Variants in RAB6B observed in about 807,000 individuals in gnomAD.
The protein encoded by RAB6B is ras-related protein Rab-6B.
RAB6B carries 7 observed loss-of-function variants against 31.2 expected under a neutral mutation model. The ratio of observed to expected loss-of-function variants is 0.22; its 90% CI spans 0.13 to 0.42. The LOEUF (loss-of-function observed/expected upper bound fraction) is 0.42. RAB6B is among the 10% of genes least tolerant of loss of function. The probability of loss-of-function intolerance (pLI) is 1.00; values close to 1 mark genes in which losing one functional copy is unlikely to be tolerated. For missense variants in RAB6B, 149 were observed against 280.6 expected, an observed-to-expected ratio of 0.53 and a Z score of 3.35; for synonymous variants, 105 against 104.9, an observed-to-expected ratio of 1.00 and a Z score of -0.01.
rs1274594564 is a variant in RAB6B at position 133,824,392 on chromosome 3, T to C, written c.*4396A>G. On this transcript the variant is annotated 3_prime_UTR_variant, in exon 8 of 8. Transcript: ENST00000285208. ...CTGTGCTCCTCACAGCCAATCACTT[T>C]AAAGGGATGGGTGAGGGGAAAGTGA... 6.6e-6 allele frequency: 1 copy of C among 152,132 alleles called. No individual in the cohort carries two copies. Among genetic ancestry groups the C allele is most frequent in the Non-Finnish European group, 1.5e-5 (1 of 68,054 alleles). 9.4% of individuals were successfully genotyped at this position (152,132 alleles called of 1,614,324 possible).
chr3:133,876,722 C>T (rs1454908827), intron 1 of RAB6B, among the ~76,000 whole-genome samples: 1 of 152,130 alleles, frequency 6.6e-6, no homozygotes, highest in East Asian at 1.9e-4. Flanking sequence ...AAGAGCTGGG[C>T]AGCAGAAAGT....
chr3:133,844,804 G>A (rs985743052), intron 2 of RAB6B, among the ~76,000 whole-genome samples: 4 of 151,994 alleles, frequency 2.6e-5, no homozygotes, highest in Non-Finnish European at 5.9e-5. Flanking sequence ...TTAATCAGGT[G>A]TGGTGGTGCC....
intron 1 of RAB6B, among the ~76,000 whole-genome samples, chr3:133,894,226 C>T (rs1303428890): frequency 2.0e-5 from 3 of 152,192 alleles, no homozygotes; most frequent in African/African-American, 7.2e-5. Context: ...GGTCCTGTCC[C>T]GCAAGGACAG....
At chr3:133,848,753 C>CT (rs1249421705) in intron 2 of RAB6B, among the ~76,000 whole-genome samples, 526 of 145,332 alleles carry the variant, frequency 3.6e-3, no homozygotes, top group African/African-American at 5.7e-3. Context: ...AAAGGCTCCA[C>CT]TTTTTTTTTT....
At chr3:133,846,172 C>T (rs1194114153) in intron 2 of RAB6B, among the ~76,000 whole-genome samples, 1 of 152,196 alleles carries the variant, frequency 6.6e-6, no homozygotes, top group African/African-American at 2.4e-5. Flanking sequence ...GGAAGCTGGG[C>T]ATGGTGGCTC....
chr3:133,869,760 A>G (rs1390141591), intron 1 of RAB6B, among the ~76,000 whole-genome samples: 1 of 152,146 alleles, frequency 6.6e-6, no homozygotes, highest in African/African-American at 2.4e-5. Flanking sequence ...CCCAGCAACC[A>G]TGCTGTGAGG....
intron 2 of RAB6B, among the ~76,000 whole-genome samples, chr3:133,852,339 G>T (rs1412914990): frequency 1.3e-5 from 2 of 152,090 alleles, no homozygotes; most frequent in East Asian, 3.9e-4. Context: ...GGTCTGTGAG[G>T]GTCTGTATCA....
intron 2 of RAB6B, among the ~76,000 whole-genome samples, chr3:133,861,723 G>A (rs577760881): frequency 2.5e-4 from 38 of 152,352 alleles, no homozygotes; most frequent in Non-Finnish European, 2.9e-5. Context: ...GTGAACGAGA[G>A]GGGAGTAGTG....
intron 1 of RAB6B, among the ~76,000 whole-genome samples, chr3:133,887,048 G>A (rs73861250): frequency 0.01 from 1,554 of 150,384 alleles, 38 homozygotes; most frequent in African/African-American, 0.036. Flanking sequence ...GGCTGGGGCC[G>A]GGTCTCTAAG....
intron 1 of RAB6B, among the ~76,000 whole-genome samples, chr3:133,892,133 C>T (rs943390243): frequency 3.9e-5 from 6 of 152,290 alleles, no homozygotes; most frequent in Middle Eastern, 6.8e-3. Flanking sequence ...TCTTCTCGGA[C>T]GCCATCAAAT....
rs1576388804 is a variant in RAB6B, at chr3:133,825,414, A to G, written c.*3374T>C. The stretch of plus-strand genomic sequence containing the variant: ...CAGAGATACTGAAACTGGTCTGGCC[A>G]TTGCTCCCCTCAGACCTGGGAACAT... On this transcript the variant is annotated 3_prime_UTR_variant, in exon 8 of 8. Coordinates refer to ENST00000285208, the MANE Select transcript of RAB6B (RefSeq NM_016577.4). 6.6e-6 allele frequency: 1 copy of G among 152,362 alleles called. No homozygotes were observed. Among genetic ancestry groups the G allele is most frequent in the Non-Finnish European group, 1.5e-5 (1 of 68,054 alleles). The allele number at this position is 152,362 out of a possible 1,614,324, so 9.4% of individuals were successfully genotyped here.
intron 2 of RAB6B, among the ~76,000 whole-genome samples, chr3:133,859,049 G>A (rs1936121944): frequency 6.6e-6 from 1 of 152,136 alleles, no homozygotes; most frequent in Admixed American, 6.6e-5. Context: ...CATGATCATG[G>A]CTCACTGCAG....
chr3:133,839,860 AC>A (rs1287155958), intron 4 of RAB6B, among the ~76,000 whole-genome samples: 1 of 152,064 alleles, frequency 6.6e-6, no homozygotes, highest in African/African-American at 2.4e-5. Context: ...GAGAGGAATC[AC>A]CCCATCTGGA....
rs548106853 is a variant in RAB6B at position 133,885,306 on chromosome 3, G to T, written c.70+10091C>A. ...CACATACCCAATGACCAGAGTATAG[G>T]GGACTCACACACCTAATGACCAGAG... On this transcript the variant is annotated intron_variant, in intron 1 of 7. Coordinates refer to ENST00000285208, the MANE Select transcript of RAB6B (RefSeq NM_016577.4). Among the ~76,000 whole-genome samples, 3 of 150,124 alleles carry T rather than the reference G, an allele frequency of 2.0e-5. No individual in the cohort carries two copies. The East Asian group carries it at 5.9e-4, about 30-fold the overall frequency.
At chr3:133,867,564 T>C (rs1936254992) in intron 1 of RAB6B, among the ~76,000 whole-genome samples, 1 of 152,218 alleles carries the variant, frequency 6.6e-6, no homozygotes, top group African/African-American at 2.4e-5. Flanking sequence ...ATCCGGGTAC[T>C]CCTTGATAGA....
intron 2 of RAB6B, among the ~76,000 whole-genome samples, chr3:133,855,289 G>A (rs1377363391): frequency 1.3e-5 from 2 of 152,264 alleles, no homozygotes; most frequent in Non-Finnish European, 2.9e-5. Flanking sequence ...GCAGTAATGC[G>A]CCCTGGGGGA....
intron 2 of RAB6B, 40 bp from the exon 3 acceptor site, chr3:133,841,703 C>A (rs1321662251): frequency 1.2e-6 from 2 of 1,608,722 alleles, no homozygotes; most frequent in Non-Finnish European, 1.7e-6. Context: ...ATCAAAAGGT[C>A]TCATGCAAAG....
Position 133,889,401 on chromosome 3 carries a change from T to C in RAB6B, c.70+5996A>G, listed in dbSNP as rs1438543529. ...AAGGTTATTTTGTTATATATATATA[T>C]ATATATATATATATATATATATATA... On this transcript the variant is annotated intron_variant, in intron 1 of 7. Coordinates refer to ENST00000285208, the MANE Select transcript of RAB6B (RefSeq NM_016577.4). Among the ~76,000 whole-genome samples the C allele has an allele frequency of 7.2e-3, 151 of 20,924 alleles. 2 individuals carry two copies. Among genetic ancestry groups the C allele is most frequent in the Non-Finnish European group, 0.011 (116 of 10,380 alleles). The allele number at this position is 20,924 out of a possible 152,430, so 13.7% of individuals were successfully genotyped here.
intron 7 of RAB6B, among the ~76,000 whole-genome samples, chr3:133,832,180 C>A (rs375698804): frequency 1.6e-4 from 25 of 152,026 alleles, no homozygotes; most frequent in African/African-American, 6.0e-4. Flanking sequence ...ATGTGATGGG[C>A]GCATACTGTA....
Sources: allele counts gnomAD v4.1 joint callset (sites outside exome capture counted in the v4.1 genomes callset), GRCh38; gene constraint gnomAD v4.1.1; transcripts MANE v1.5; gene names NCBI Gene and HGNC (gene_info 2026-07-23, HGNC 2026-07-21).